PTPRZ1: variants seen among roughly 807,000 people sequenced by gnomAD.
PTPRZ1 encodes the protein protein tyrosine phosphatase receptor type Z1, also known as receptor-type tyrosine-protein phosphatase zeta.
In PTPRZ1, 82 loss-of-function variants were observed where a neutral mutation model predicts 214.1. The observed-to-expected ratio is 0.38, with a 90% CI of 0.32 to 0.46. The LOEUF is 0.46. Ranked by LOEUF, PTPRZ1 falls within the 20% of genes least tolerant of loss-of-function variation. The pLI is 1.00. For missense variants in PTPRZ1, 2,603 were observed against 2,748.7 expected, an observed-to-expected ratio of 0.95 and a Z score of 1.19; for synonymous variants, 945 against 987.9, an observed-to-expected ratio of 0.96 and a Z score of 0.81.
intron 13 of PTPRZ1, 70 bp from the exon 14 acceptor site, chr7:122,028,482 T>C (rs1399519453): frequency 1.7e-6 from 2 of 1,195,796 alleles, no homozygotes; most frequent in East Asian, 4.8e-5. Flanking sequence ...ATCAAAATTT[T>C]CAAGCAGCTC....
rs1382336094 is a variant in PTPRZ1, at chr7:122,053,896, CT to C, written c.6253-11del. On this transcript the variant is annotated splice_polypyrimidine_tract_variant and intron_variant, in intron 25 of 29. Transcript: ENST00000393386. ...TACGCCAGTGCTGTTTTTGTCTTCT[CT>C]TTGGTTTTGTAGGGCTATTACCAGA... is the stretch of plus-strand genomic sequence containing the variant. 6.2e-7 allele frequency: 1 copy of C among 1,611,348 alleles called. No homozygotes were observed. Among genetic ancestry groups the C allele is most frequent in the African/African-American group, 1.3e-5 (1 of 74,886 alleles).
intron 2 of PTPRZ1, among the ~76,000 whole-genome samples, chr7:121,957,784 T>C (rs1020651281): frequency 6.6e-6 from 1 of 152,150 alleles, no homozygotes; most frequent in African/African-American, 2.4e-5. Context: ...GCCAAACTTC[T>C]CCTCCCATGT....
intron 2 of PTPRZ1, among the ~76,000 whole-genome samples, chr7:121,932,427 T>C (rs66974079): frequency 0.19 from 29,647 of 152,182 alleles, 3,060 homozygotes; most frequent in Admixed American, 0.24. Context: ...TTATCATTCT[T>C]AAATGTAACT....
intron 3 of PTPRZ1, among the ~76,000 whole-genome samples, chr7:121,968,952 T>C (rs948933966): frequency 1.3e-4 from 20 of 152,126 alleles, no homozygotes; most frequent in African/African-American, 4.6e-4. Flanking sequence ...CTCAAGAGAG[T>C]AGTAGTCAGG....
At chr7:121,910,345 C>A (rs1795234337) in intron 1 of PTPRZ1, among the ~76,000 whole-genome samples, 1 of 152,164 alleles carries the variant, frequency 6.6e-6, no homozygotes, top group South Asian at 2.1e-4. Context: ...GTGTTTATCA[C>A]CTTCTTAAAT....
intron 18 of PTPRZ1, among the ~76,000 whole-genome samples, chr7:122,037,143 C>A (rs556815689): frequency 6.6e-6 from 1 of 151,878 alleles, no homozygotes; most frequent in Non-Finnish European, 1.5e-5. Context: ...GGCGTTGTGG[C>A]GGGCGCCTGT....
At chr7:121,891,564 T>A (rs1379306022) in intron 1 of PTPRZ1, among the ~76,000 whole-genome samples, 2 of 150,158 alleles carry the variant, frequency 1.3e-5, no homozygotes, top group Non-Finnish European at 3.0e-5. Flanking sequence ...ACTTGCATTG[T>A]CATTTTATTT....
At chr7:122,060,187 G>C (rs918900846) in intron 29 of PTPRZ1, among the ~76,000 whole-genome samples, 1 of 152,154 alleles carries the variant, frequency 6.6e-6, no homozygotes, top group South Asian at 2.1e-4. Flanking sequence ...TCTTTGGTCT[G>C]TTTAAGGGCC....
At chr7:121,910,799 T>C (rs1179283803) in intron 1 of PTPRZ1, among the ~76,000 whole-genome samples, 1 of 152,080 alleles carries the variant, frequency 6.6e-6, no homozygotes, top group Non-Finnish European at 1.5e-5. Flanking sequence ...TGAACATAAA[T>C]TTGGCATTAT....
chr7:121,903,966 T>TCACACACACACACACACACACACA (rs57176542), intron 1 of PTPRZ1, among the ~76,000 whole-genome samples: 19 of 123,846 alleles, frequency 1.5e-4, no homozygotes, highest in African/African-American at 5.5e-4. Flanking sequence ...TCTTTAAATC[T>TCACACACACACACACACACACACA]CACACACACA....
chr7:122,013,833 C>A lies in PTPRZ1; in HGVS notation c.4787C>A (p.Ser1596Tyr), dbSNP rs1459404917. 1.2e-6 allele frequency: 2 copies of A among 1,613,904 alleles called. No individual in the cohort carries two copies. The highest frequency in any genetic ancestry group is 2.2e-5 in the East Asian group (1 of 44,876). Reference sequence around the variant, plus strand: ...GAAATAACTCCTGGATTCCCACAGTCCCCAACATCATCTGTTACTAGCGAG... The same window carrying A: ...GAAATAACTCCTGGATTCCCACAGTACCCAACATCATCTGTTACTAGCGAG... ...DSEITPGFPQ[S>Y]PTSSVTSENS... is the part of the protein sequence containing the mutation. Residue 1596 changes from serine to tyrosine, a missense_variant, in exon 12 of 30, where the codon TCC becomes TAC. Coordinates refer to ENST00000393386, the MANE Select transcript of PTPRZ1 (RefSeq NM_002851.3).
intron 1 of PTPRZ1, among the ~76,000 whole-genome samples, chr7:121,903,303 A>G (rs1362675272): frequency 6.6e-6 from 1 of 152,200 alleles, no homozygotes; most frequent in Non-Finnish European, 1.5e-5. Flanking sequence ...TTTGCTAGAA[A>G]TTCTCTAGTT....
In PTPRZ1 at chr7:122,013,676, A is replaced by G; in HGVS notation, c.4630A>G (p.Thr1544Ala). ...TGAATCTAAAGCATGGGCAGTTCTG[A>G]CAAGTGATGAAGAAAGTGGATCAGG... ...SPESKAWAVL[T>A]SDEESGSGQG... The change falls in exon 12 of 30, where the codon ACA (threonine) becomes GCA (alanine). Residue 1544 changes from threonine to alanine, a missense_variant. Coordinates refer to ENST00000393386, the MANE Select transcript of PTPRZ1 (RefSeq NM_002851.3). 1 of 1,614,216 alleles carries G rather than the reference A, an allele frequency of 6.2e-7. No homozygotes were observed. The highest frequency in any genetic ancestry group is 1.7e-5 in the Admixed American group (1 of 60,026).
rs1168939042 is a variant in PTPRZ1, at chr7:121,873,521, C to T, written c.22C>T (p.Leu8Phe). ...GGAAATGCGAATCCTAAAGCGTTTCCTCGCTTGCATTCAGCTCCTCTGTGT... is the reference window on the plus strand; with the variant it reads ...GGAAATGCGAATCCTAAAGCGTTTCTTCGCTTGCATTCAGCTCCTCTGTGT... The part of the protein sequence containing the change: MRILKRF[L>F]ACIQLLCVCR... The change falls in exon 1 of 30, where the codon CTC (leucine) becomes TTC (phenylalanine). Residue 8 changes from leucine (L) to phenylalanine (F), a missense_variant. Physicochemically the swap from Leu to Phe is conservative, Grantham distance 22. This residue lies in a region of PTPRZ1 where 141 missense variants were observed against 143.7 expected (regional missense o/e 0.98). Transcript: ENST00000393386. The T allele has an allele frequency of 6.2e-7, 1 of 1,613,906 alleles. No individual in the cohort carries two copies. Among genetic ancestry groups the T allele is most frequent in the Non-Finnish European group, 8.5e-7 (1 of 1,180,048 alleles).
intron 1 of PTPRZ1, among the ~76,000 whole-genome samples, chr7:121,892,195 A>G (rs1465922806): frequency 6.6e-6 from 1 of 152,186 alleles, no homozygotes; most frequent in Non-Finnish European, 1.5e-5. Context: ...TTTTCTGTGT[A>G]AGACATATAT....
Position 122,011,579 on chromosome 7 carries a change from G to C in PTPRZ1, c.2533G>C (p.Val845Leu), listed in dbSNP as rs757457460. 6.2e-7 allele frequency: 1 copy of C among 1,614,006 alleles called. No homozygotes were observed. Among genetic ancestry groups the C allele is most frequent in the East Asian group, 2.2e-5 (1 of 44,854 alleles). The change falls in exon 12 of 30, where the codon GTT becomes CTT. Residue 845 changes from valine to leucine, a missense_variant. Physicochemically the swap from Val to Leu is conservative, Grantham distance 32 (BLOSUM62 1). Around this residue, in one of 6 missense-constraint regions of PTPRZ1, gnomAD observed 1,913 missense variants for 1,914.3 expected, o/e 1.00. Transcript: ENST00000393386. ...TACAGTTTCTCAAATCCTTCCACAA[G>C]TTACTTCAGCTACCGAGAGTGATAA... ...LHTVSQILPQ[V>L]TSATESDKVP...
At chr7:121,886,617 T>C (rs1794406211) in intron 1 of PTPRZ1, among the ~76,000 whole-genome samples, 1 of 152,178 alleles carries the variant, frequency 6.6e-6, no homozygotes, top group African/African-American at 2.4e-5. Context: ...TGACATAAAT[T>C]ATTGCCTAAG....
chr7:122,043,800 A>G (rs1184546208), intron 22 of PTPRZ1, among the ~76,000 whole-genome samples: 3 of 152,212 alleles, frequency 2.0e-5, no homozygotes, highest in Middle Eastern at 3.4e-3. Context: ...AAAATAACTA[A>G]TGGACTAATG....
At chr7:121,949,234 G>C (rs986593204) in intron 2 of PTPRZ1, among the ~76,000 whole-genome samples, 9 of 152,162 alleles carry the variant, frequency 5.9e-5, no homozygotes, top group African/African-American at 2.2e-4. Flanking sequence ...CTCCCCAAAG[G>C]AGACAATCAG....
Sources: gnomAD v4.1 joint callset for allele counts (sites outside exome capture counted in the v4.1 genomes callset) on GRCh38, gnomAD v4.1.1 for gene constraint, gnomAD v4.1.1 regional missense constraint, MANE v1.5 for transcripts, NCBI Gene and HGNC (gene_info 2026-07-23, HGNC 2026-07-21) for gene names.